Variants in PRKN observed in about 807,000 individuals in gnomAD.
PRKN encodes the protein E3 ubiquitin-protein ligase parkin.
In PRKN, 56 loss-of-function variants were observed where a neutral mutation model predicts 59.5. That is an observed-to-expected ratio of 0.94 (90% CI 0.76 to 1.18). The LOEUF (loss-of-function observed/expected upper bound fraction) is 1.18, where lower values mean the gene tolerates loss of function less well. Ranked by LOEUF, PRKN falls within the 50% of genes most tolerant of loss-of-function variation. The pLI is 0.00. For missense variants in PRKN, 657 were observed against 596.4 expected (o/e 1.10, Z -1.06); for synonymous variants, 250 against 222.1 (o/e 1.13, Z -1.12).
rs142349412 is a variant in PRKN at position 162,336,665 on chromosome 6, T to G, written c.172-73900A>C. Among the ~76,000 whole-genome samples, 636 of 152,326 alleles carry G rather than the reference T, an allele frequency of 4.2e-3. 4 individuals carry two copies. The highest frequency in any genetic ancestry group is 0.014 in the African/African-American group (597 of 41,576). ...GCAGGTTGCCTAACTAGCTCAACAC[T>G]TATTCTCAACAACACAAAGACAAAT... On this transcript the variant is annotated intron_variant, in intron 2 of 11. Transcript: ENST00000366898.
At position 161,552,777 on chromosome 6, in the gene PRKN, T is replaced by G. The variant is rs1780079864; in HGVS notation, c.934-3774A>C. Among the ~76,000 whole-genome samples the G allele has an allele frequency of 8.3e-6, 1 of 121,002 alleles. No homozygotes were observed. Among genetic ancestry groups the G allele is most frequent in the Non-Finnish European group, 1.9e-5 (1 of 52,214 alleles). 79.4% of individuals were successfully genotyped at this position (121,002 alleles called of 152,430 possible). The stretch of plus-strand genomic sequence containing the variant: ...CACCCCTTCCTAAAAGACACCATGG[T>G]TTTGTTGTTGTTTTTGTTTTTTGTT... On this transcript the variant is annotated intron_variant, in intron 8 of 11. Transcript: ENST00000366898. The surrounding 1 kb of genome is among the most constrained non-coding windows in gnomAD (Gnocchi z 4.9).
chr6:162,263,627 G>C (rs1779996692), intron 2 of PRKN, among the ~76,000 whole-genome samples: 1 of 152,132 alleles, frequency 6.6e-6, no homozygotes, highest in Non-Finnish European at 1.5e-5. Context: ...ACAAGAACTA[G>C]GCTACCCTAA....
At chr6:162,199,589 A>G (rs998464669) in intron 4 of PRKN, among the ~76,000 whole-genome samples, 3 of 152,140 alleles carry the variant, frequency 2.0e-5, no homozygotes, top group Non-Finnish European at 2.9e-5. Flanking sequence ...AAGCCAGAGG[A>G]GAGGAGCAAG....
intron 11 of PRKN, among the ~76,000 whole-genome samples, chr6:161,350,491 G>T (rs922445832): frequency 6.8e-6 from 1 of 147,964 alleles, no homozygotes; most frequent in African/African-American, 2.5e-5. Flanking sequence ...TCCTGAAAGG[G>T]GATTTAGAGA....
At position 161,619,421 on chromosome 6, in the gene PRKN, G is replaced by A. The variant is rs375494188; in HGVS notation, c.872-50005C>T. On this transcript the variant is annotated intron_variant, in intron 7 of 11. Coordinates refer to ENST00000366898, the MANE Select transcript of PRKN (RefSeq NM_004562.3). ...AGAAGTTTTTTATTTTTTTCAATAG[G>A]TCTATCAATAATTGTTACACTATAA... Among the ~76,000 whole-genome samples the A allele has an allele frequency of 4.6e-5, 7 of 150,604 alleles. 1 individual carries two copies. The South Asian group carries it at 1.5e-3, about 32-fold the overall frequency.
At chr6:161,946,674 G>T (rs913273736) in intron 6 of PRKN, among the ~76,000 whole-genome samples, 7 of 151,988 alleles carry the variant, frequency 4.6e-5, no homozygotes, top group African/African-American at 1.7e-4. Context: ...TATTTTTATG[G>T]CTTGGAAAAT....
At chr6:162,664,259 T>G (rs571717994) in intron 1 of PRKN, among the ~76,000 whole-genome samples, 1 of 152,334 alleles carries the variant, frequency 6.6e-6, no homozygotes, top group South Asian at 2.1e-4. Flanking sequence ...TTCCATGGTG[T>G]ATACGTACCG....
intron 4 of PRKN, among the ~76,000 whole-genome samples, chr6:162,085,036 G>A (rs1252328239): frequency 1.4e-5 from 2 of 141,464 alleles, no homozygotes; most frequent in African/African-American, 5.6e-5. Flanking sequence ...CAGACTAGTT[G>A]ATCAGTGTCC....
At chr6:162,722,487 G>A (rs974123959) in intron 1 of PRKN, among the ~76,000 whole-genome samples, 4 of 152,110 alleles carry the variant, frequency 2.6e-5, no homozygotes, top group Non-Finnish European at 4.4e-5. Context: ...AGATTACTAC[G>A]AAGAAACATT....
chr6:162,166,901 C>G (rs1305814583), intron 4 of PRKN, among the ~76,000 whole-genome samples: 14 of 152,174 alleles, frequency 9.2e-5, no homozygotes, highest in Admixed American at 5.2e-4. Flanking sequence ...ACTACCCACT[C>G]TTTGTCAGCT....
At chr6:161,430,329 C>T (rs1788581019) in intron 9 of PRKN, among the ~76,000 whole-genome samples, 1 of 152,188 alleles carries the variant, frequency 6.6e-6, no homozygotes, top group Non-Finnish European at 1.5e-5. Context: ...AAGGTCCCAC[C>T]TCTTAACACT....
At chr6:162,128,939 C>T (rs567708317) in intron 4 of PRKN, among the ~76,000 whole-genome samples, 1 of 152,300 alleles carries the variant, frequency 6.6e-6, no homozygotes, top group Non-Finnish European at 1.5e-5. Flanking sequence ...GTTTCTAAGC[C>T]ACCCAATTTG....
chr6:161,637,124 G>A (rs749311085), intron 7 of PRKN, among the ~76,000 whole-genome samples: 6 of 152,122 alleles, frequency 3.9e-5, no homozygotes, highest in Admixed American at 6.6e-5. Context: ...TTTATAAACC[G>A]CTAAATCATG....
At chr6:161,917,930 A>C (rs1778634812) in intron 6 of PRKN, among the ~76,000 whole-genome samples, 1 of 152,222 alleles carries the variant, frequency 6.6e-6, no homozygotes, top group South Asian at 2.1e-4. Context: ...GGGCAGAATG[A>C]CCTATCATAT....
chr6:161,535,848 T>C (rs1220235210), intron 9 of PRKN, among the ~76,000 whole-genome samples: 1 of 151,830 alleles, frequency 6.6e-6, no homozygotes, highest in African/African-American at 2.4e-5. Flanking sequence ...TAAACTCCCA[T>C]CCCCTTAAGC....
rs900371594 is a variant in PRKN at position 161,453,659 on chromosome 6, T to C, written c.1084-66782A>G. ...TCAGACTTGGGGGCCTCCATGGCTA[T>C]GTAAGTCAATTCTTTGAAATAAAGA... On this transcript the variant is annotated intron_variant, in intron 9 of 11. Transcript: ENST00000366898. 7.9e-5 allele frequency among the ~76,000 whole-genome samples: 12 copies of C among 152,238 alleles called. No individual in the cohort carries two copies. In the South Asian group the frequency reaches 2.5e-3, roughly 32 times the overall value.
chr6:161,970,597 G>A (rs1463771459), intron 6 of PRKN, among the ~76,000 whole-genome samples: 28 of 151,608 alleles, frequency 1.8e-4, no homozygotes, highest in Non-Finnish European at 1.3e-4. Context: ...GAGCGCAGTG[G>A]TACAATCTTG....
At chr6:161,902,006 C>T (rs552188853) in intron 6 of PRKN, among the ~76,000 whole-genome samples, 3 of 152,266 alleles carry the variant, frequency 2.0e-5, no homozygotes, top group African/African-American at 7.2e-5. Context: ...TGCTGACACA[C>T]GGGGCTTTGC....
chr6:162,322,911 G>A (rs1783092333), intron 2 of PRKN, among the ~76,000 whole-genome samples: 1 of 151,924 alleles, frequency 6.6e-6, no homozygotes, highest in Non-Finnish European at 1.5e-5. Context: ...ATGAGTTCAT[G>A]TCCTTTGTAG....
Sources: allele counts gnomAD v4.1 joint callset (sites outside exome capture counted in the v4.1 genomes callset), GRCh38; gene constraint gnomAD v4.1.1; non-coding constraint Gnocchi (gnomAD v3.1); transcripts MANE v1.5; gene names NCBI Gene and HGNC (gene_info 2026-07-23, HGNC 2026-07-21).